Variants in NTRK2 observed in about 807,000 individuals in gnomAD.
NTRK2 encodes BDNF/NT-3 growth factors receptor.
Under a neutral mutation model 94.5 loss-of-function variants are expected in NTRK2, and 13 were observed. The ratio of observed to expected loss-of-function variants is 0.14; its 90% CI spans 0.09 to 0.22. The LOEUF is 0.22. Among genes scored for constraint, NTRK2 ranks in the 10% least tolerant of loss-of-function variants. The probability of loss-of-function intolerance (pLI) is 1.00; values close to 1 mark genes in which losing one functional copy is unlikely to be tolerated. For missense variants in NTRK2, 639 were observed against 1,071.2 expected, an observed-to-expected ratio of 0.60 and a Z score of 5.63; for synonymous variants, 372 against 407.4, an observed-to-expected ratio of 0.91 and a Z score of 1.05.
At chr9:84,689,379 G>A (rs2131521443) in intron 2 of NTRK2, among the ~76,000 whole-genome samples, 1 of 152,302 alleles carries the variant, frequency 6.6e-6, no homozygotes, top group East Asian at 1.9e-4. Context: ...GATCACAAGT[G>A]AGATTTCATG....
At chr9:84,784,865 T>C (rs1443128946) in intron 12 of NTRK2, among the ~76,000 whole-genome samples, 1 of 152,228 alleles carries the variant, frequency 6.6e-6, no homozygotes, top group Admixed American at 6.5e-5. Flanking sequence ...ATTAACATTT[T>C]AATTTAGATC....
At position 84,723,725 on chromosome 9, in the gene NTRK2, G is replaced by A. The variant is rs1217364524; in HGVS notation, c.720+16G>A. On this transcript the variant is annotated intron_variant, in intron 7 of 18. Coordinates refer to ENST00000277120, the MANE Select transcript of NTRK2 (RefSeq NM_006180.6). ...CAAACATATGGTAAGGCTTGTGTTT[G>A]GCTGTGTCTTAATAGAGAGACAAGA... The A allele has an allele frequency of 1.2e-6, 2 of 1,614,004 alleles. No homozygotes were observed. The highest frequency in any genetic ancestry group is 1.7e-6 in the Non-Finnish European group (2 of 1,179,908).
chr9:84,776,944 G>C (rs2067106771), intron 12 of NTRK2, among the ~76,000 whole-genome samples: 2 of 152,202 alleles, frequency 1.3e-5, no homozygotes, highest in Admixed American at 1.3e-4. Context: ...TTCTTTGTGA[G>C]ATATACAGAA....
intron 12 of NTRK2, among the ~76,000 whole-genome samples, chr9:84,757,484 T>C (rs1377172803): frequency 2.0e-5 from 3 of 152,200 alleles, no homozygotes; most frequent in Admixed American, 6.5e-5. Context: ...TACATTCCAT[T>C]TAATAGTATT....
At chr9:84,824,768 C>T (rs2073075448) in intron 12 of NTRK2, among the ~76,000 whole-genome samples, 1 of 152,148 alleles carries the variant, frequency 6.6e-6, no homozygotes. Flanking sequence ...GGAAATAGGC[C>T]AGCAGCTTCT....
chr9:84,991,615 A>G (rs1325707704), intron 17 of NTRK2, among the ~76,000 whole-genome samples: 2 of 151,942 alleles, frequency 1.3e-5, no homozygotes, highest in Admixed American at 1.3e-4. Context: ...CCACATCTCT[A>G]TGGTGAGTTT....
At chr9:84,714,229 G>C (rs1483467193) in intron 6 of NTRK2, among the ~76,000 whole-genome samples, 2 of 151,346 alleles carry the variant, frequency 1.3e-5, no homozygotes, top group Non-Finnish European at 2.9e-5. Flanking sequence ...CATTTTTTTT[G>C]TGACTGAAAT....
chr9:84,709,390 G>A (rs1289462729), intron 5 of NTRK2, among the ~76,000 whole-genome samples: 1 of 152,180 alleles, frequency 6.6e-6, no homozygotes, highest in Non-Finnish European at 1.5e-5. Flanking sequence ...GCTCCAGGAA[G>A]CATTTTGGAT....
At chr9:84,950,964 G>A (rs1438330670) in intron 16 of NTRK2, among the ~76,000 whole-genome samples, 3 of 152,174 alleles carry the variant, frequency 2.0e-5, no homozygotes, top group African/African-American at 7.2e-5. Context: ...AGAGGGCTTT[G>A]CACAGAAATC....
At chr9:84,987,380 A>G (rs1487977294) in intron 17 of NTRK2, among the ~76,000 whole-genome samples, 3 of 152,214 alleles carry the variant, frequency 2.0e-5, no homozygotes, top group Non-Finnish European at 2.9e-5. Flanking sequence ...AGGAAAATGC[A>G]AACAGTATTC....
intron 15 of NTRK2, 57 bp downstream of exon 15, chr9:84,934,349 T>G: frequency 6.3e-7 from 1 of 1,590,898 alleles, no homozygotes; most frequent in Non-Finnish European, 8.6e-7. Flanking sequence ...GTGTGGAAAT[T>G]TAACTCTATT....
intron 12 of NTRK2, among the ~76,000 whole-genome samples, chr9:84,857,924 G>A (rs1324770916): frequency 1.3e-5 from 2 of 152,028 alleles, no homozygotes; most frequent in African/African-American, 4.8e-5. Flanking sequence ...TCTTCACATA[G>A]GCACCTTGTT....
intron 12 of NTRK2, among the ~76,000 whole-genome samples, chr9:84,775,357 T>C (rs1295398679): frequency 6.6e-6 from 1 of 152,242 alleles, no homozygotes; most frequent in Admixed American, 6.5e-5. Flanking sequence ...CACATTTATT[T>C]TTTTTCAGAG....
intron 15 of NTRK2, among the ~76,000 whole-genome samples, chr9:84,939,581 C>A (rs1296684750): frequency 1.3e-5 from 2 of 152,044 alleles, no homozygotes; most frequent in East Asian, 3.8e-4. Context: ...AAATTTAATT[C>A]AAGGGAATAA....
At chr9:84,873,252 T>C in intron 14 of NTRK2, 1 of 1,060,554 alleles carries the variant, frequency 9.4e-7, no homozygotes, top group Non-Finnish European at 1.1e-6. Flanking sequence ...AATTGTTTAA[T>C]TGGCCAAATA....
chr9:84,989,192 CA>C (rs1366540753), intron 17 of NTRK2, among the ~76,000 whole-genome samples: 1 of 152,162 alleles, frequency 6.6e-6, no homozygotes, highest in Non-Finnish European at 1.5e-5. Context: ...CACCCCACCC[CA>C]CAAACTACTA....
At chr9:84,718,059 C>CACT (rs144562982) in intron 6 of NTRK2, among the ~76,000 whole-genome samples, 7 of 150,958 alleles carry the variant, frequency 4.6e-5, no homozygotes, top group Non-Finnish European at 7.4e-5. Context: ...CTTCTTCCTC[C>CACT]TCTTCTTTCT....
chr9:84,995,456 A>C (rs936548703), intron 17 of NTRK2, among the ~76,000 whole-genome samples: 1 of 152,126 alleles, frequency 6.6e-6, no homozygotes, highest in Non-Finnish European at 1.5e-5. Context: ...ACAAAATCCC[A>C]GTTGCCCAAA....
At chr9:85,001,937 G>A (rs1260103249) in intron 17 of NTRK2, among the ~76,000 whole-genome samples, 2 of 152,222 alleles carry the variant, frequency 1.3e-5, no homozygotes, top group Non-Finnish European at 2.9e-5. Flanking sequence ...ATCCTATTAT[G>A]GAGCATCAGA....
Sources: gnomAD v4.1 joint callset for allele counts (sites outside exome capture counted in the v4.1 genomes callset) on GRCh38, gnomAD v4.1.1 for gene constraint, MANE v1.5 for transcripts, NCBI Gene and HGNC (gene_info 2026-07-23, HGNC 2026-07-21) for gene names.